Variants in FSIP2 observed in about 807,000 individuals in gnomAD.
FSIP2 encodes the protein fibrous sheath-interacting protein 2.
A neutral mutation model predicts 510.5 loss-of-function variants in FSIP2; 367 were observed. That is an observed-to-expected ratio of 0.72 (90% CI 0.66 to 0.78). The LOEUF (loss-of-function observed/expected upper bound fraction) is 0.78. FSIP2 is among the 30% of genes least tolerant of loss of function. The pLI, the probability that FSIP2 is intolerant of heterozygous loss-of-function variation, is 0.00. For synonymous variants in FSIP2, 2,601 were observed against 2,732.2 expected (o/e 0.95, Z 1.50); for missense variants, 7,594 against 7,901.7 (o/e 0.96, Z 1.48).
Position 185,800,054 on chromosome 2 carries a change from T to C in FSIP2, c.10748T>C (p.Val3583Ala), listed in dbSNP as rs1693392527. 1 of 1,530,608 alleles carries C rather than the reference T, an allele frequency of 6.5e-7. No homozygotes were observed. The allele number at this position is 1,530,608 out of a possible 1,614,324, so 94.8% of individuals were successfully genotyped here. A position where few individuals can be genotyped will look rare whatever the true frequency, so the allele number is the denominator to read the frequency against. Residue 3583 changes from valine to alanine, a missense_variant, in exon 17 of 23, where the codon GTT (valine) becomes GCT (alanine). By Grantham distance (64) the Val-to-Ala change is moderately conservative (BLOSUM62 0). Coordinates refer to ENST00000424728, the MANE Select transcript of FSIP2 (RefSeq NM_173651.4). Reference sequence around the variant, plus strand: ...CAGGCTGACATTGCACAGAAAATGGTTGCCATACCTACAAAATACACTTAC... The same window carrying C: ...CAGGCTGACATTGCACAGAAAATGGCTGCCATACCTACAAAATACACTTAC... ...IIQADIAQKM[V>A]AIPTKYTYCP...
rs1692012715 is a variant in FSIP2, at chr2:185,745,563, G to A, written c.612G>A (p.Arg204=). 6.5e-7 allele frequency: 1 copy of A among 1,531,388 alleles called. No homozygotes were observed. Among genetic ancestry groups the A allele is most frequent in the Admixed American group, 2.0e-5 (1 of 50,222 alleles). The allele number at this position is 1,531,388 out of a possible 1,614,324, so 94.9% of individuals were successfully genotyped here. ...TTAAGGACCAGGAGCGGCTGATGAGGCATAGGTAAGATTAAAGTTGAGGCA... is the reference window on the plus strand; with the variant it reads ...TTAAGGACCAGGAGCGGCTGATGAGACATAGGTAAGATTAAAGTTGAGGCA... ...ESIKDQERLM[R]HRYLDMISRK... The change falls in exon 5 of 23, where the codon AGG becomes AGA. Residue 204 remains arginine, a synonymous_variant. Transcript: ENST00000424728.
rs1272189139 is a variant in FSIP2, at chr2:185,833,136, A to G, written c.20634A>G (p.Thr6878=). The G allele has an allele frequency of 3.7e-6, 6 of 1,610,614 alleles. No individual in the cohort carries two copies. In the South Asian group the frequency reaches 5.5e-5, roughly 15 times the overall value. Residue 6878 remains threonine, a synonymous_variant, in exon 23 of 23, where the codon ACA becomes ACG. Transcript: ENST00000424728. ...DVSKQGSKML[T]KMSSTLSKVF... ...CCAAACAAGGATCTAAAATGCTGACAAAAATGTCTTCAACTTTGTCAAAGG... is the reference window on the plus strand; with the variant it reads ...CCAAACAAGGATCTAAAATGCTGACGAAAATGTCTTCAACTTTGTCAAAGG...
Position 185,793,068 on chromosome 2 carries a change from T to C in FSIP2, c.5932T>C (p.Cys1978Arg), listed in dbSNP as rs1182036777. The change falls in exon 16 of 23, where the codon TGT becomes CGT. Residue 1978 changes from cysteine to arginine, a missense_variant. Transcript: ENST00000424728. Reference sequence around the variant, plus strand: ...TTCATATTCTGATGAGCAATTTTCCTGTTGCTCAGTAGATCATACCAAGTC... The same window carrying C: ...TTCATATTCTGATGAGCAATTTTCCCGTTGCTCAGTAGATCATACCAAGTC... ...KDSYSDEQFS[C>R]CSVDHTKSGK... is the part of the protein sequence containing the mutation. The C allele has an allele frequency of 2.6e-6, 4 of 1,534,214 alleles. No homozygotes were observed. Among genetic ancestry groups the C allele is most frequent in the Non-Finnish European group, 3.5e-6 (4 of 1,145,658 alleles).
In FSIP2 at chr2:185,807,436, C is replaced by T. The variant is rs1693611390; in HGVS notation, c.18130C>T (p.Leu6044=). The change falls in exon 17 of 23, where the codon CTG becomes TTG. Residue 6044 remains leucine, a synonymous_variant. Coordinates refer to ENST00000424728, the MANE Select transcript of FSIP2 (RefSeq NM_173651.4). ...KEPEDNLSTE[L]NFLQMKLVSA... ...ACCTGAGGACAATTTGTCCACAGAA[C>T]TGAATTTCCTTCAAATGAAGTTAGT... 5 of 1,612,152 alleles carry T rather than the reference C, an allele frequency of 3.1e-6. No individual in the cohort carries two copies. The highest frequency in any genetic ancestry group is 4.2e-6 in the Non-Finnish European group (5 of 1,179,288).
At chr2:185,812,058 T>C (rs1482199841) in intron 17 of FSIP2, among the ~76,000 whole-genome samples, 1 of 152,104 alleles carries the variant, frequency 6.6e-6, no homozygotes, top group African/African-American at 2.4e-5. Flanking sequence ...CACTGCTTAG[T>C]GCAGTTGTTG....
At position 185,806,800 on chromosome 2, in the gene FSIP2, A is replaced by T. The variant is rs978877449; in HGVS notation, c.17494A>T (p.Ile5832Phe). The T allele has an allele frequency of 9.9e-6, 16 of 1,611,850 alleles. No homozygotes were observed. Among genetic ancestry groups the T allele is most frequent in the Non-Finnish European group, 1.4e-5 (16 of 1,178,704 alleles). The change falls in exon 17 of 23, where the codon ATC (isoleucine) becomes TTC (phenylalanine). Residue 5832 changes from isoleucine (I) to phenylalanine (F), a missense_variant. By Grantham distance (21) the Ile-to-Phe change is conservative. Transcript: ENST00000424728. ...ACTCTATGACACTGCTATGAAACTC[A>T]TCAATTCACTGTTAAAGGAGTTCTC... is the stretch of plus-strand genomic sequence containing the variant. ...AKLYDTAMKL[I>F]NSLLKEFSDA...
In FSIP2 at chr2:185,766,210, A is replaced by C. The variant is rs1692473613; in HGVS notation, c.1411+1645A>C. ...TAAACGTTAGACCTAAAACCATAAA[A>C]ACCCTAGAAGAAAACCTAGGCATTA... On this transcript the variant is annotated intron_variant, in intron 13 of 22. Transcript: ENST00000424728. 4 of 151,896 alleles carry C rather than the reference A, an allele frequency of 2.6e-5. No individual in the cohort carries two copies. The South Asian group carries it at 6.2e-4, about 24-fold the overall frequency. 9.4% of individuals were successfully genotyped at this position (151,896 alleles called of 1,614,324 possible).
At chr2:185,797,783 GACTGA>G (rs1693326899) in intron 16 of FSIP2, 1 of 354,862 alleles carries the variant, frequency 2.8e-6, no homozygotes, top group Non-Finnish European at 5.2e-6. Flanking sequence ...TGAACTCCTG[GACTGA>G]AGACATCCTC....
chr2:185,791,874 G>A lies in FSIP2; in HGVS notation c.4738G>A (p.Ala1580Thr). 1 of 1,533,894 alleles carries A rather than the reference G, an allele frequency of 6.5e-7. No individual in the cohort carries two copies. Among genetic ancestry groups the A allele is most frequent in the Non-Finnish European group, 8.7e-7 (1 of 1,145,468 alleles). The change falls in exon 16 of 23, where the codon GCT becomes ACT. Residue 1580 changes from alanine to threonine, a missense_variant. Transcript: ENST00000424728. ...TKEMHPNKLK[A>T]VASDILNMVF... ...AGAAATGCATCCAAATAAACTAAAAGCTGTAGCTTCAGATATTCTTAATAT... is the reference window on the plus strand; with the variant it reads ...AGAAATGCATCCAAATAAACTAAAAACTGTAGCTTCAGATATTCTTAATAT...
rs765767431 is a variant in FSIP2, at chr2:185,802,461, T to G, written c.13155T>G (p.His4385Gln). ...TTTATAGAAATGCTTTAAAGCAGCA[T>G]GGGCTAGACCTTGCTGTTGATAAAG... ...TSVYRNALKQHGLDLAVDKES... is the reference protein window; with the variant it reads ...TSVYRNALKQQGLDLAVDKES... The change falls in exon 17 of 23, where the codon CAT becomes CAG. Residue 4385 changes from histidine to glutamine, a missense_variant. His to Gln is a conservative substitution (Grantham distance 24). Coordinates refer to ENST00000424728, the MANE Select transcript of FSIP2 (RefSeq NM_173651.4). 5.9e-6 allele frequency: 9 copies of G among 1,533,778 alleles called. No homozygotes were observed. Among genetic ancestry groups the G allele is most frequent in the Non-Finnish European group, 7.9e-6 (9 of 1,145,286 alleles).
At position 185,799,730 on chromosome 2, in the gene FSIP2, G is replaced by C; in HGVS notation, c.10424G>C (p.Trp3475Ser). The change falls in exon 17 of 23, where the codon TGG (tryptophan) becomes TCG (serine). Residue 3475 changes from tryptophan (W) to serine (S), a missense_variant. Trp to Ser is a radical substitution (Grantham distance 177). Coordinates refer to ENST00000424728, the MANE Select transcript of FSIP2 (RefSeq NM_173651.4). ...FSEEKMSVST[W>S]SRKKYESKQF... ...GAGGAAAAGATGTCTGTTTCTACATGGTCAAGGAAAAAATATGAATCAAAA... is the reference window on the plus strand; with the variant it reads ...GAGGAAAAGATGTCTGTTTCTACATCGTCAAGGAAAAAATATGAATCAAAA... 7.0e-7 allele frequency: 1 copy of C among 1,435,336 alleles called. No individual in the cohort carries two copies. Among genetic ancestry groups the C allele is most frequent in the Non-Finnish European group, 9.2e-7 (1 of 1,084,220 alleles). The allele number at this position is 1,435,336 out of a possible 1,614,324, so 88.9% of individuals were successfully genotyped here.
Position 185,739,398 on chromosome 2 carries a change from T to A in FSIP2, c.152T>A (p.Leu51Gln). Residue 51 changes from leucine (L) to glutamine (Q), a missense_variant, in exon 2 of 23, where the codon CTA (leucine) becomes CAA (glutamine). Transcript: ENST00000424728. ...AGVGPAQLLDLPLGVKLPVIP... is the reference protein window; with the variant it reads ...AGVGPAQLLDQPLGVKLPVIP... ...GTTGGACCGGCTCAGCTACTGGACCTACCTCTCGGGGTCAAGCTGCCTGTG... is the reference window on the plus strand; with the variant it reads ...GTTGGACCGGCTCAGCTACTGGACCAACCTCTCGGGGTCAAGCTGCCTGTG... 6.5e-7 allele frequency: 1 copy of A among 1,535,096 alleles called. No individual in the cohort carries two copies. The highest frequency in any genetic ancestry group is 8.7e-7 in the Non-Finnish European group (1 of 1,146,372).
intron 22 of FSIP2, among the ~76,000 whole-genome samples, chr2:185,832,482 A>G (rs1354546917): frequency 6.6e-6 from 1 of 151,902 alleles, no homozygotes; most frequent in Admixed American, 6.6e-5. Flanking sequence ...TTTGAGTTTC[A>G]TGTACTACAA....
chr2:185,808,440 A>G lies in FSIP2; in HGVS notation c.19134A>G (p.Leu6378=), dbSNP rs1477603808. 6.2e-7 allele frequency: 1 copy of G among 1,605,632 alleles called. No individual in the cohort carries two copies. Among genetic ancestry groups the G allele is most frequent in the South Asian group, 1.1e-5 (1 of 88,904 alleles). The change falls in exon 17 of 23, where the codon TTA becomes TTG. Residue 6378 remains leucine, a synonymous_variant. Coordinates refer to ENST00000424728, the MANE Select transcript of FSIP2 (RefSeq NM_173651.4). ...AAAAAAACTTATCAAAGACTGAGTT[A>G]AATAAAATTGCATCTCAACTGTCAA... The part of the protein sequence containing the change: ...KDEKNLSKTE[L]NKIASQLSKL...
intron 17 of FSIP2, 70 bp downstream of exon 17, chr2:185,809,203 C>G: frequency 6.8e-7 from 1 of 1,479,320 alleles, no homozygotes; most frequent in Non-Finnish European, 9.0e-7. Context: ...TTTCCTTCCT[C>G]AAATAAGTAT....
intron 11 of FSIP2, among the ~76,000 whole-genome samples, chr2:185,762,539 A>G (rs921638404): frequency 1.3e-5 from 2 of 151,458 alleles, no homozygotes; most frequent in African/African-American, 4.8e-5. Flanking sequence ...CAAATTTAAT[A>G]CAAAACTCAA....
In FSIP2 at chr2:185,789,430, A is replaced by C; in HGVS notation, c.2294A>C (p.Lys765Thr). ...GAGATTGTGGAAAATATGCTTGAGA[A>C]GTTAGAGTCTGCAGTTGAGAAAAAA... Reference protein sequence around the residue: ...ASEIVENMLEKLESAVEKKCV... With the variant: ...ASEIVENMLETLESAVEKKCV... The change falls in exon 16 of 23, where the codon AAG (lysine) becomes ACG (threonine). Residue 765 changes from lysine (K) to threonine (T), a missense_variant. Coordinates refer to ENST00000424728, the MANE Select transcript of FSIP2 (RefSeq NM_173651.4). 6.5e-7 allele frequency: 1 copy of C among 1,534,882 alleles called. No homozygotes were observed. Among genetic ancestry groups the C allele is most frequent in the Non-Finnish European group, 8.7e-7 (1 of 1,145,922 alleles).
intron 5 of FSIP2, 75 bp from the exon 6 acceptor site, chr2:185,746,594 G>A (rs546390048): frequency 4.4e-6 from 5 of 1,127,400 alleles, no homozygotes; most frequent in Non-Finnish European, 2.4e-6. Context: ...AGTGGTTTGG[G>A]AATGGCATAG....
chr2:185,767,051 A>C (rs1474061563), intron 13 of FSIP2, among the ~76,000 whole-genome samples: 8 of 127,518 alleles, frequency 6.3e-5, no homozygotes, highest in Non-Finnish European at 1.3e-4. Context: ...CATCATTCTC[A>C]GTAAACTATC....
Sources: gnomAD v4.1 joint callset for allele counts (sites outside exome capture counted in the v4.1 genomes callset) on GRCh38, gnomAD v4.1.1 for gene constraint, MANE v1.5 for transcripts, NCBI Gene and HGNC (gene_info 2026-07-23, HGNC 2026-07-21) for gene names.